Variants in TBC1D8 observed in about 807,000 individuals in gnomAD.
TBC1D8 encodes TBC1 domain family member 8, also known as BUB2-like protein 1.
Under a neutral mutation model 118.8 loss-of-function variants are expected in TBC1D8, and 65 were observed. The ratio of observed to expected loss-of-function variants is 0.55; its 90% CI spans 0.45 to 0.67. The LOEUF is 0.67. TBC1D8 is among the 30% of genes least tolerant of loss of function. TBC1D8 has a pLI of 0.00. For synonymous variants in TBC1D8, 566 were observed against 595.8 expected (o/e 0.95, Z 0.73); for missense variants, 1,376 against 1,471.2 (o/e 0.94, Z 1.06).
intron 2 of TBC1D8, among the ~76,000 whole-genome samples, chr2:101,073,670 A>G (rs1674622836): frequency 6.6e-6 from 1 of 152,204 alleles, no homozygotes; most frequent in African/African-American, 2.4e-5. Flanking sequence ...TCTGGATATT[A>G]TAACTCACTG....
At chr2:101,037,468 G>A (rs1481810025) in intron 8 of TBC1D8, 64 bp downstream of exon 8, 10 of 1,571,020 alleles carry the variant, frequency 6.4e-6, no homozygotes, top group East Asian at 2.2e-5. Flanking sequence ...TCAGACAGCT[G>A]GGCAACCCCC....
chr2:101,028,929 C>T (rs1680508710), intron 12 of TBC1D8, among the ~76,000 whole-genome samples: 2 of 152,186 alleles, frequency 1.3e-5, no homozygotes, highest in African/African-American at 4.8e-5. Context: ...AAATGCAAGA[C>T]ATTTAATCTT....
chr2:101,059,048 G>C (rs2105423367), intron 3 of TBC1D8, among the ~76,000 whole-genome samples: 1 of 152,142 alleles, frequency 6.6e-6, no homozygotes, highest in East Asian at 1.9e-4. Flanking sequence ...TGGACTACAG[G>C]TGCCCGCCAC....
intron 17 of TBC1D8, chr2:101,019,226 C>T: frequency 3.7e-6 from 2 of 547,534 alleles, no homozygotes; most frequent in Non-Finnish European, 6.1e-6. Context: ...GCCCTTGCCT[C>T]TTCGACAGGC....
At chr2:101,083,878 G>A (rs1675423253) in intron 2 of TBC1D8, among the ~76,000 whole-genome samples, 1 of 152,170 alleles carries the variant, frequency 6.6e-6, no homozygotes, top group Admixed American at 6.5e-5. Flanking sequence ...CAATAACACA[G>A]TGCAAGATGC....
intron 2 of TBC1D8, among the ~76,000 whole-genome samples, chr2:101,085,059 G>A (rs1675521336): frequency 6.6e-6 from 1 of 151,844 alleles, no homozygotes; most frequent in African/African-American, 2.4e-5. Context: ...CACCGTGTTA[G>A]CCAGGATGGT....
rs759335576 is a variant in TBC1D8, at chr2:101,011,522, C to T, written c.2846G>A (p.Arg949Gln). The change falls in exon 18 of 20, where the codon CGA (arginine) becomes CAA (glutamine). Residue 949 changes from arginine (R) to glutamine (Q), a missense_variant. Transcript: ENST00000409318. ...ATTCCTCAACGGCGACTGGCTGTCT[C>T]GGTCATTTTCAGTGAGTGCTTAAAA... Reference protein sequence around the residue: ...HIPPALTENDRDSQSPLRNPL... With the variant: ...HIPPALTENDQDSQSPLRNPL... 36 of 1,613,764 alleles carry T rather than the reference C, an allele frequency of 2.2e-5. No individual in the cohort carries two copies. The Admixed American group carries it at 2.3e-4, about 10-fold the overall frequency.
intron 2 of TBC1D8, among the ~76,000 whole-genome samples, chr2:101,084,919 G>A (rs1344614658): frequency 6.9e-6 from 1 of 144,036 alleles, no homozygotes; most frequent in Non-Finnish European, 1.5e-5. Flanking sequence ...CTCGATCTCC[G>A]CTCACTGCAA....
intron 2 of TBC1D8, among the ~76,000 whole-genome samples, chr2:101,073,352 T>C (rs1248026566): frequency 4.6e-5 from 7 of 151,184 alleles, no homozygotes; most frequent in Admixed American, 2.6e-4. Context: ...TGGAGTGCAG[T>C]GCCACGATCT....
chr2:101,067,186 A>G (rs576159525), intron 2 of TBC1D8, among the ~76,000 whole-genome samples: 1 of 152,178 alleles, frequency 6.6e-6, no homozygotes, highest in East Asian at 1.9e-4. Context: ...TGCTAAATCT[A>G]AACAACCAGC....
intron 5 of TBC1D8, among the ~76,000 whole-genome samples, chr2:101,049,500 G>A (rs913485775): frequency 2.6e-5 from 4 of 152,104 alleles, no homozygotes; most frequent in South Asian, 2.1e-4. Flanking sequence ...AGGCTGAGGC[G>A]GGTGGAACAT....
intron 2 of TBC1D8, among the ~76,000 whole-genome samples, chr2:101,089,975 G>A (rs1331551251): frequency 6.7e-6 from 1 of 149,382 alleles, no homozygotes; most frequent in African/African-American, 2.5e-5. Context: ...TTGAGAGGGA[G>A]GGGCAGAAAG....
At chr2:101,043,069 A>G (rs1268359493) in intron 5 of TBC1D8, among the ~76,000 whole-genome samples, 1 of 152,210 alleles carries the variant, frequency 6.6e-6, no homozygotes, top group Admixed American at 6.5e-5. Context: ...CCAGCCCTCA[A>G]AAGGAGAAAA....
intron 6 of TBC1D8, among the ~76,000 whole-genome samples, chr2:101,039,212 C>A (rs1475292637): frequency 6.6e-6 from 1 of 152,184 alleles, no homozygotes; most frequent in Admixed American, 6.5e-5. Flanking sequence ...GTTTAAATGT[C>A]ATTTCTGGTT....
At chr2:101,077,547 G>A (rs11676053) in intron 2 of TBC1D8, among the ~76,000 whole-genome samples, 31,647 of 151,966 alleles carry the variant, frequency 0.21, 3,559 homozygotes, top group Middle Eastern at 0.33. Flanking sequence ...GTGCCCGGCC[G>A]GTGCTACATC....
chr2:101,030,663 G>GAAAAATGA lies in TBC1D8; in HGVS notation c.1937-895_1937-888dup, dbSNP rs1283880035. On this transcript the variant is annotated intron_variant, in intron 11 of 19. Coordinates refer to ENST00000409318, the MANE Select transcript of TBC1D8 (RefSeq NM_001330348.2). ...ACAATTCTCCTAGGTAAATACCCAA[G>GAAAAATGA]AAAAATGACAGTATATATTCATAAA... Among the ~76,000 whole-genome samples, 118 of 152,248 alleles carry GAAAAATGA rather than the reference G, an allele frequency of 7.8e-4. 1 individual carries two copies. The highest frequency in any genetic ancestry group is 2.6e-3 in the African/African-American group (107 of 41,550).
Position 101,089,413 on chromosome 2 carries a change from A to G in TBC1D8, c.283+796T>C, listed in dbSNP as rs545327330. On this transcript the variant is annotated intron_variant, in intron 2 of 19. Transcript: ENST00000409318. ...CATTTCTGGAAGACGAGCATTTATT[A>G]CTCGTGTTTAAAAAAAAAAAAGATG... 9.3e-4 allele frequency among the ~76,000 whole-genome samples: 138 copies of G among 148,414 alleles called. 1 individual carries two copies. Among genetic ancestry groups the G allele is most frequent in the African/African-American group, 3.3e-3 (135 of 40,356 alleles).
At position 101,034,667 on chromosome 2, in the gene TBC1D8, TAGAG is replaced by T. The variant is rs371368768; in HGVS notation, c.1604-913_1604-910del. ...TGTGCACGTGTGTGTGCATATGCGT[TAGAG>T]AGACCTAGAGGAATGCAGACCTTGG... On this transcript the variant is annotated intron_variant, in intron 9 of 19. Transcript: ENST00000409318. Among the ~76,000 whole-genome samples the T allele has an allele frequency of 1.2e-3, 178 of 152,272 alleles. 1 individual carries two copies. The highest frequency in any genetic ancestry group is 3.3e-3 in the African/African-American group (136 of 41,552).
At chr2:101,105,349 G>A (rs1429906261) in intron 1 of TBC1D8, among the ~76,000 whole-genome samples, 1 of 152,058 alleles carries the variant, frequency 6.6e-6, no homozygotes, top group African/African-American at 2.4e-5. Context: ...TCTCACCACA[G>A]AAGATATACA....
Sources: allele counts gnomAD v4.1 joint callset (sites outside exome capture counted in the v4.1 genomes callset), GRCh38; gene constraint gnomAD v4.1.1; transcripts MANE v1.5; gene names NCBI Gene and HGNC (gene_info 2026-07-23, HGNC 2026-07-21).